The following AFF1 variants were observed in gnomAD, a reference collection of about 807,000 sequenced individuals.
AFF1 encodes the protein ALF transcription elongation factor 1, also known as AF4/FMR2 family member 1.
Under a neutral mutation model 121.7 loss-of-function variants are expected in AFF1, and 48 were observed. The observed-to-expected ratio is 0.39, with a 90% CI of 0.31 to 0.50. The LOEUF (loss-of-function observed/expected upper bound fraction) is 0.50. Ranked by LOEUF, AFF1 falls within the 20% of genes least tolerant of loss-of-function variation. The probability of loss-of-function intolerance (pLI) is 0.76; values close to 1 mark genes in which losing one functional copy is unlikely to be tolerated. For synonymous variants in AFF1, 613 were observed against 563.0 expected (o/e 1.09, Z -1.26); for missense variants, 1,523 against 1,511.7 (o/e 1.01, Z -0.12).
At chr4:87,057,656 G>A (rs1339738577) in intron 4 of AFF1, among the ~76,000 whole-genome samples, 3 of 152,296 alleles carry the variant, frequency 2.0e-5, no homozygotes, top group South Asian at 4.1e-4. Context: ...GAGTTAGGAA[G>A]ACTGATCGTA....
chr4:86,961,013 G>A (rs1366885131), intron 2 of AFF1, among the ~76,000 whole-genome samples: 2 of 152,222 alleles, frequency 1.3e-5, no homozygotes, highest in Admixed American at 1.3e-4. Flanking sequence ...AAGGAGCACA[G>A]CATCCCTGGA....
rs148083475 is a variant in AFF1 at position 87,047,103 on chromosome 4, G to A, written c.568G>A (p.Gly190Arg). 3.1e-6 allele frequency: 5 copies of A among 1,614,040 alleles called. No homozygotes were observed. The highest frequency in any genetic ancestry group is 3.4e-6 in the Non-Finnish European group (4 of 1,180,036). Residue 190 changes from glycine to arginine, a missense_variant, in exon 4 of 21, where the codon GGA (glycine) becomes AGA (arginine). Around this residue, in one of 5 missense-constraint regions of AFF1, gnomAD observed 369 missense variants for 367.2 expected, o/e 1.00. Transcript: ENST00000395146. ...HHKKGDRRAD[G>R]DHCASVTDSA... The stretch of plus-strand genomic sequence containing the variant: ...CAAGAAAGGTGACCGAAGAGCTGAC[G>A]GAGACCACTGTGCTTCGGTGACAGA...
Position 86,972,182 on chromosome 4 carries a change from G to T in AFF1, c.38+23611G>T, listed in dbSNP as rs1489129596. Among the ~76,000 whole-genome samples the T allele has an allele frequency of 3.4e-5, 5 of 148,810 alleles. No homozygotes were observed. In the East Asian group the frequency reaches 9.9e-4, roughly 29 times the overall value. Reference sequence around the variant, plus strand: ...AAAAGTTTGAAGAGCAGAAAAGCAGGCATTTTATGCTTAAGGGAGAGCCAG... The same window carrying T: ...AAAAGTTTGAAGAGCAGAAAAGCAGTCATTTTATGCTTAAGGGAGAGCCAG... On this transcript the variant is annotated intron_variant, in intron 2 of 20. Transcript: ENST00000395146.
intron 4 of AFF1, among the ~76,000 whole-genome samples, chr4:87,060,815 G>C (rs1720671382): frequency 7.9e-6 from 1 of 126,466 alleles, no homozygotes; most frequent in African/African-American, 3.0e-5. Flanking sequence ...CTCCAGCCTG[G>C]CGAGAGTGAG....
intron 12 of AFF1, among the ~76,000 whole-genome samples, chr4:87,122,731 T>A (rs186133199): frequency 6.6e-6 from 1 of 152,176 alleles, no homozygotes; most frequent in Admixed American, 6.5e-5. Flanking sequence ...CTAATCTGAT[T>A]AGTAGTTCAG....
Position 87,117,220 on chromosome 4 carries a change from C to G in AFF1, c.2466+1921C>G, listed in dbSNP as rs72866959. On this transcript the variant is annotated intron_variant, in intron 12 of 20. Transcript: ENST00000395146. ...CACTGTTGACTGTGGGAACTGTGCC[C>G]TCTATAAGCCGTTCCCAGGTTTTGG... 1.6e-3 allele frequency among the ~76,000 whole-genome samples: 238 copies of G among 152,316 alleles called. 3 individuals are homozygous for G. The highest frequency in any genetic ancestry group is 6.8e-3 in the Middle Eastern group (2 of 294).
At chr4:86,959,999 A>G (rs1722030873) in intron 2 of AFF1, among the ~76,000 whole-genome samples, 1 of 152,146 alleles carries the variant, frequency 6.6e-6, no homozygotes, top group Non-Finnish European at 1.5e-5. Flanking sequence ...TGAAATCACA[A>G]TGGGCCCTGA....
At chr4:87,111,948 G>A (rs2149760686) in intron 11 of AFF1, among the ~76,000 whole-genome samples, 1 of 152,270 alleles carries the variant, frequency 6.6e-6, no homozygotes, top group South Asian at 2.1e-4. Flanking sequence ...GGTTGGGGGG[G>A]AAACCAGATG....
intron 5 of AFF1, among the ~76,000 whole-genome samples, chr4:87,085,322 T>G (rs1014998617): frequency 6.6e-6 from 1 of 152,174 alleles, no homozygotes; most frequent in Non-Finnish European, 1.5e-5. Context: ...GTACAGTAAT[T>G]GTAAAAACTG....
At position 87,114,914 on chromosome 4, in the gene AFF1, A is replaced by G. The variant is rs779123163; in HGVS notation, c.2081A>G (p.Glu694Gly). Residue 694 changes from glutamate (E) to glycine (G), a missense_variant, in exon 12 of 21, where the codon GAA (glutamate) becomes GGA (glycine). Glu to Gly is a moderately conservative substitution (Grantham distance 98). Coordinates refer to ENST00000395146, the MANE Select transcript of AFF1 (RefSeq NM_001166693.3). ...PAPSKALSGP[E>G]PAKDNVEDRT... ...CCCTCTAAGGCTCTCTCAGGCCCAG[A>G]ACCCGCGAAGGACAATGTGGAGGAC... 9 of 1,612,794 alleles carry G rather than the reference A, an allele frequency of 5.6e-6. No individual in the cohort carries two copies. Among genetic ancestry groups the G allele is most frequent in the Non-Finnish European group, 7.6e-6 (9 of 1,179,486 alleles).
chr4:87,109,932 G>A (rs1726294121), intron 11 of AFF1, among the ~76,000 whole-genome samples: 1 of 152,130 alleles, frequency 6.6e-6, no homozygotes, highest in Non-Finnish European at 1.5e-5. Context: ...ATCCTCCTGG[G>A]AATATTTTAT....
intron 4 of AFF1, among the ~76,000 whole-genome samples, chr4:87,072,121 T>C (rs768569248): frequency 7.9e-5 from 12 of 152,130 alleles, no homozygotes; most frequent in Non-Finnish European, 1.8e-4. Context: ...CCCAGCACTT[T>C]GGGAGGCCGA....
intron 4 of AFF1, among the ~76,000 whole-genome samples, chr4:87,065,671 G>T (rs1411397457): frequency 5.9e-5 from 9 of 152,130 alleles, no homozygotes; most frequent in African/African-American, 1.9e-4. Flanking sequence ...GGTTAAAGAT[G>T]GGGCAGTGTC....
At chr4:87,046,573 T>G (rs2149613401) in intron 3 of AFF1, 122 bp from the exon 4 acceptor site, 2 of 1,121,790 alleles carry the variant, frequency 1.8e-6, no homozygotes, top group East Asian at 4.9e-5. Flanking sequence ...AATGGCACAT[T>G]AAATTCTACA....
rs866879274 is a variant in AFF1 at position 86,953,991 on chromosome 4, G to T, written c.38+5420G>T. Among the ~76,000 whole-genome samples the T allele has an allele frequency of 2.8e-4, 43 of 152,128 alleles. 1 individual carries two copies. The highest frequency in any genetic ancestry group is 2.2e-3 in the Admixed American group (33 of 15,270). On this transcript the variant is annotated intron_variant, in intron 2 of 20. Coordinates refer to ENST00000395146, the MANE Select transcript of AFF1 (RefSeq NM_001166693.3). ...CTCTCAAAGTGCTGGGATTACAGGC[G>T]TGAGCCACCGTGCCCGGCCTAGTTC...
At chr4:87,123,312 C>CT (rs948373029) in intron 12 of AFF1, among the ~76,000 whole-genome samples, 3 of 152,148 alleles carry the variant, frequency 2.0e-5, no homozygotes, top group African/African-American at 7.2e-5. Flanking sequence ...ATTACATTCT[C>CT]TTTTTTCTAC....
chr4:87,079,947 C>T (rs775727376), intron 4 of AFF1, among the ~76,000 whole-genome samples: 7 of 152,026 alleles, frequency 4.6e-5, no homozygotes, highest in Non-Finnish European at 7.4e-5. Context: ...AATGGTGCGT[C>T]GTACAATTGA....
At chr4:87,132,133 A>G in intron 18 of AFF1, 138 bp from the exon 19 acceptor site, 1 of 978,978 alleles carries the variant, frequency 1.0e-6, no homozygotes, top group South Asian at 1.8e-5. Context: ...TAGTATGAAC[A>G]GAGCAGTAAG....
At chr4:87,129,301 A>G (rs560708982) in intron 16 of AFF1, among the ~76,000 whole-genome samples, 105 of 152,360 alleles carry the variant, frequency 6.9e-4, no homozygotes, top group African/African-American at 2.4e-3. Flanking sequence ...CTGAGTAGAA[A>G]GGGATGTATT....
Sources: gnomAD v4.1 joint callset for allele counts (sites outside exome capture counted in the v4.1 genomes callset) on GRCh38, gnomAD v4.1.1 for gene constraint, gnomAD v4.1.1 regional missense constraint, MANE v1.5 for transcripts, NCBI Gene and HGNC (gene_info 2026-07-23, HGNC 2026-07-21) for gene names.